The following AGTPBP1 variants were observed in gnomAD, a reference collection of about 807,000 sequenced individuals.
AGTPBP1 encodes ATP/GTP binding carboxypeptidase 1.
Under a neutral mutation model 143.9 loss-of-function variants are expected in AGTPBP1, and 70 were observed. The observed-to-expected ratio is 0.49, with a 90% CI of 0.40 to 0.59. The LOEUF (loss-of-function observed/expected upper bound fraction) is 0.59. Ranked by LOEUF, AGTPBP1 falls within the 20% of genes least tolerant of loss-of-function variation. The pLI is 0.00. For missense variants in AGTPBP1, 1,229 were observed against 1,464.5 expected, an observed-to-expected ratio of 0.84 and a Z score of 2.62; for synonymous variants, 463 against 500.2, an observed-to-expected ratio of 0.93 and a Z score of 0.99.
intron 2 of AGTPBP1, among the ~76,000 whole-genome samples, chr9:85,706,117 G>A (rs925477324): frequency 2.6e-5 from 4 of 151,630 alleles, no homozygotes; most frequent in Admixed American, 6.6e-5. Flanking sequence ...AGCTAATAAG[G>A]AGCTACGCCA....
chr9:85,593,212 T>C (rs1276586093), intron 18 of AGTPBP1, among the ~76,000 whole-genome samples: 4 of 152,206 alleles, frequency 2.6e-5, no homozygotes, highest in South Asian at 4.1e-4. Context: ...AAACCTGAAG[T>C]TGATCAAGCT....
chr9:85,719,184 T>C (rs899414022), intron 1 of AGTPBP1, among the ~76,000 whole-genome samples: 2 of 152,182 alleles, frequency 1.3e-5, no homozygotes, highest in Non-Finnish European at 2.9e-5. Context: ...TTAGAGTAGT[T>C]TTTTCCAATT....
intron 25 of AGTPBP1, among the ~76,000 whole-genome samples, chr9:85,571,064 T>C (rs1269197593): frequency 6.6e-6 from 1 of 152,242 alleles, no homozygotes; most frequent in Non-Finnish European, 1.5e-5. Context: ...TTAGGTTATG[T>C]CTGTCTTTAT....
chr9:85,682,170 G>GT (rs71505761), intron 3 of AGTPBP1, among the ~76,000 whole-genome samples: 8,411 of 104,694 alleles, frequency 0.08, 312 homozygotes, highest in Non-Finnish European at 0.09. Flanking sequence ...ATTAGGATTG[G>GT]TTAAAAAAAA....
At chr9:85,798,469 G>A in the AGTPBP1 span, among the ~76,000 whole-genome samples, 1 of 151,214 alleles carries the variant, frequency 6.6e-6, no homozygotes. Context: ...CTGGGTTCAA[G>A]CAATTCTCGG....
intron 2 of AGTPBP1, among the ~76,000 whole-genome samples, chr9:85,697,764 T>C (rs1313142826): frequency 6.6e-6 from 1 of 152,190 alleles, no homozygotes; most frequent in East Asian, 1.9e-4. Flanking sequence ...TAATTTGTTA[T>C]ATGATAAATA....
intron 25 of AGTPBP1, among the ~76,000 whole-genome samples, chr9:85,573,996 CATG>C (rs1240536181): frequency 2.0e-5 from 3 of 152,156 alleles, no homozygotes; most frequent in African/African-American, 7.2e-5. Flanking sequence ...GAGAACGGGC[CATG>C]ATGACAATGG....
At chr9:85,557,654 A>C (rs1308028926) in intron 25 of AGTPBP1, among the ~76,000 whole-genome samples, 2 of 152,220 alleles carry the variant, frequency 1.3e-5, no homozygotes, top group African/African-American at 4.8e-5. Flanking sequence ...AAGGCACATT[A>C]ATACCAGTAA....
At chr9:85,768,480 GT>G in the AGTPBP1 span, among the ~76,000 whole-genome samples, 1 of 151,996 alleles carries the variant, frequency 6.6e-6, no homozygotes, top group African/African-American at 2.4e-5. Context: ...AAAAAAATTT[GT>G]TTCGTTATGT....
chr9:85,803,216 G>A, the AGTPBP1 span, among the ~76,000 whole-genome samples: 1 of 152,214 alleles, frequency 6.6e-6, no homozygotes. Flanking sequence ...GGCTTTCAAT[G>A]AGAACAATGT....
At chr9:85,742,690 G>A (rs1470713827), upstream of AGTPBP1, among the ~76,000 whole-genome samples, 2 of 152,140 alleles carry the variant, frequency 1.3e-5, no homozygotes, top group African/African-American at 4.8e-5. Context: ...AGGCAAAGGC[G>A]GAATGTTTTA....
chr9:85,600,231 A>G (rs1829576437), intron 17 of AGTPBP1, among the ~76,000 whole-genome samples: 2 of 152,172 alleles, frequency 1.3e-5, no homozygotes, highest in Non-Finnish European at 2.9e-5. Flanking sequence ...TACATATAAA[A>G]TAAGTCTGCC....
At chr9:85,717,910 T>C (rs553266544) in intron 1 of AGTPBP1, among the ~76,000 whole-genome samples, 6 of 152,050 alleles carry the variant, frequency 3.9e-5, no homozygotes, top group Admixed American at 1.3e-4. Context: ...CTCCCACTTA[T>C]GAATGAGAAC....
chr9:85,640,648 C>T (rs1832402404), intron 13 of AGTPBP1, among the ~76,000 whole-genome samples: 1 of 152,142 alleles, frequency 6.6e-6, no homozygotes, highest in Non-Finnish European at 1.5e-5. Context: ...TCATAAAGTG[C>T]CATGTAGGAA....
rs1002653697 is a variant in AGTPBP1 at position 85,573,633 on chromosome 9, G to A, written c.3503+1682C>T. 1.1e-4 allele frequency among the ~76,000 whole-genome samples: 17 copies of A among 151,096 alleles called. 1 individual carries two copies. In the South Asian group the frequency reaches 1.5e-3, roughly 13 times the overall value. ...TGGAAAGTGAGGAGCGTCTCTGCCC[G>A]CCCGCCATCCCATCTAGGAAGTGAG... On this transcript the variant is annotated intron_variant, in intron 25 of 25. Transcript: ENST00000357081.
chr9:85,741,791 G>A lies in AGTPBP1; in HGVS notation c.-50C>T. ...GGCGCTCACCGGCTCAGGATGGGGCGCTGGCGGGGACCGCGCAGAGCCGCA... is the reference window on the plus strand; with the variant it reads ...GGCGCTCACCGGCTCAGGATGGGGCACTGGCGGGGACCGCGCAGAGCCGCA... On this transcript the variant is annotated 5_prime_UTR_variant, in exon 1 of 26. Transcript: ENST00000357081. 1 of 1,352,510 alleles carries A rather than the reference G, an allele frequency of 7.4e-7. No homozygotes were observed. The highest frequency in any genetic ancestry group is 9.5e-7 in the Non-Finnish European group (1 of 1,054,298). The allele number at this position is 1,352,510 out of a possible 1,614,324, so 83.8% of individuals were successfully genotyped here.
chr9:85,793,116 T>C, the AGTPBP1 span, among the ~76,000 whole-genome samples: 3 of 152,328 alleles, frequency 2.0e-5, no homozygotes, highest in Admixed American at 2.0e-4. Context: ...TCATGACTAT[T>C]TCTTTGATTT....
chr9:85,668,797 TAAAC>T (rs1353116132), intron 8 of AGTPBP1, among the ~76,000 whole-genome samples: 2 of 151,536 alleles, frequency 1.3e-5, no homozygotes, highest in African/African-American at 4.8e-5. Context: ...CAGTTTAATA[TAAAC>T]TCTATTTTAT....
Position 85,621,272 on chromosome 9 carries a change from G to A in AGTPBP1, c.2029C>T (p.Gln677Ter). 6.9e-7 allele frequency: 1 copy of A among 1,442,944 alleles called. No individual in the cohort carries two copies. Among genetic ancestry groups the A allele is most frequent in the Non-Finnish European group, 9.1e-7 (1 of 1,099,824 alleles). 89.4% of individuals were successfully genotyped at this position (1,442,944 alleles called of 1,614,324 possible). The part of the protein sequence containing the change: ...PYGVQRTKIA[Q>*]DIERLIHQSD... ...TGATGTATTAGCCTTTCAATATCTT[G>A]AGCAATTTTTGTCCTGAAATCATAA... Residue 677 changes from glutamine to a stop codon, truncating the protein, a stop_gained, in exon 15 of 26, where the codon CAA becomes TAA. Coordinates refer to ENST00000357081, the MANE Select transcript of AGTPBP1 (RefSeq NM_001330701.2). LOFTEE classifies it high-confidence loss of function.
Sources: gnomAD v4.1 joint callset for allele counts (sites outside exome capture counted in the v4.1 genomes callset) on GRCh38, gnomAD v4.1.1 for gene constraint, MANE v1.5 for transcripts, NCBI Gene and HGNC (gene_info 2026-07-23, HGNC 2026-07-21) for gene names.